The following KMT2E variants were observed in gnomAD, a reference collection of about 807,000 sequenced individuals.
KMT2E encodes histone reader KMT2E.
Under a neutral mutation model 184.6 loss-of-function variants are expected in KMT2E, and 30 were observed. That is an observed-to-expected ratio of 0.16 (90% CI 0.12 to 0.22). The LOEUF is 0.22. KMT2E is among the 10% of genes least tolerant of loss of function. The pLI is 1.00. For missense variants in KMT2E, 2,023 were observed against 2,237.4 expected (o/e 0.90, Z 1.93); for synonymous variants, 815 against 776.5 (o/e 1.05, Z -0.82).
intron 13 of KMT2E, among the ~76,000 whole-genome samples, chr7:105,082,621 G>C (rs1797803350): frequency 6.8e-6 from 1 of 147,808 alleles, no homozygotes; most frequent in African/African-American, 2.7e-5. Flanking sequence ...TGCTGTCTCA[G>C]GGGTGACAGA....
chr7:105,089,419 A>G, intron 13 of KMT2E: 2 of 245,966 alleles, frequency 8.1e-6, no homozygotes, highest in South Asian at 7.2e-5. Flanking sequence ...GGCTGGTCTC[A>G]AGTGATCTGC....
chr7:105,093,458 G>C (rs1798289461), intron 15 of KMT2E, among the ~76,000 whole-genome samples: 1 of 152,140 alleles, frequency 6.6e-6, no homozygotes. Flanking sequence ...GAGACGGGTG[G>C]ATCATCTGAG....
intron 9 of KMT2E, among the ~76,000 whole-genome samples, chr7:105,076,320 TG>T (rs1421502644): frequency 2.0e-5 from 3 of 152,246 alleles, no homozygotes; most frequent in African/African-American, 7.2e-5. Flanking sequence ...TTTATAATTT[TG>T]GGCAATTTGA....
intron 3 of KMT2E, among the ~76,000 whole-genome samples, chr7:105,055,496 T>G (rs1304256656): frequency 6.6e-6 from 1 of 152,222 alleles, no homozygotes; most frequent in Non-Finnish European, 1.5e-5. Flanking sequence ...TAATTCTTTT[T>G]CAGTCTGTTC....
chr7:105,065,045 C>G (rs1484318605), intron 5 of KMT2E, among the ~76,000 whole-genome samples: 1 of 152,102 alleles, frequency 6.6e-6, no homozygotes, highest in Non-Finnish European at 1.5e-5. Context: ...TATTGAAGGA[C>G]CAGTTCACAG....
At chr7:105,079,075 G>C (rs1797648036) in intron 12 of KMT2E, 112 bp downstream of exon 12, 2 of 614,538 alleles carry the variant, frequency 3.3e-6, no homozygotes, top group South Asian at 3.7e-5. Flanking sequence ...ACCTGTTGGT[G>C]CATTTTATAC....
At position 105,077,437 on chromosome 7, in the gene KMT2E, T is replaced by C. The variant is rs756516045; in HGVS notation, c.1130+4T>C. On this transcript the variant is annotated splice_donor_region_variant and intron_variant, in intron 11 of 26. Transcript: ENST00000311117. ...CAAATGGGTATTTCTTTAAAAGGTA[T>C]ATTCATTTATTTTCCCATGTTCATT... The C allele has an allele frequency of 2.5e-6, 4 of 1,594,608 alleles. No individual in the cohort carries two copies. Among genetic ancestry groups the C allele is most frequent in the East Asian group, 2.2e-5 (1 of 44,680 alleles).
chr7:105,101,750 A>G (rs749018383), intron 16 of KMT2E, 136 bp from the exon 17 acceptor site: 3 of 956,566 alleles, frequency 3.1e-6, no homozygotes, highest in South Asian at 2.0e-5. Flanking sequence ...AAGACTATAT[A>G]TTATCTCTGT....
chr7:105,022,650 T>C (rs1424465856), intron 1 of KMT2E, among the ~76,000 whole-genome samples: 1 of 152,314 alleles, frequency 6.6e-6, no homozygotes, highest in African/African-American at 2.4e-5. Context: ...CTCTTCAAGA[T>C]GTAGCGTCTG....
At position 105,112,289 on chromosome 7, in the gene KMT2E, G is replaced by A; in HGVS notation, c.4533G>A (p.Gln1511=). 1 of 1,614,014 alleles carries A rather than the reference G, an allele frequency of 6.2e-7. No homozygotes were observed. Among genetic ancestry groups the A allele is most frequent in the Non-Finnish European group, 8.5e-7 (1 of 1,180,010 alleles). The change falls in exon 27 of 27, where the codon CAG becomes CAA. Residue 1511 remains glutamine, a synonymous_variant. Coordinates refer to ENST00000311117, the MANE Select transcript of KMT2E (RefSeq NM_182931.3). ...PAAQNLPANT[Q]QATSGTLFTQ... ...CACAGAACCTTCCAGCCAATACTCA[G>A]CAGGCAACTTCTGGAACATTATTTA...
chr7:105,029,624 T>C (rs913351640), intron 1 of KMT2E, among the ~76,000 whole-genome samples: 6 of 151,938 alleles, frequency 3.9e-5, no homozygotes, highest in African/African-American at 1.5e-4. Flanking sequence ...CACAAAAGAT[T>C]GGGTGGCTGG....
At chr7:105,103,859 GCT>G (rs1270295161) in intron 17 of KMT2E, 4 of 128,622 alleles carry the variant, frequency 3.1e-5, no homozygotes, top group African/African-American at 1.2e-4. Flanking sequence ...ATGGAGTTTC[GCT>G]CTGTTGCCCA....
At chr7:105,073,192 T>C (rs1797395678) in intron 6 of KMT2E, among the ~76,000 whole-genome samples, 1 of 147,030 alleles carries the variant, frequency 6.8e-6, no homozygotes, top group Non-Finnish European at 1.5e-5. Context: ...GAGGATCACT[T>C]GATCCAGGAG....
chr7:105,032,758 G>A (rs1057253341), intron 1 of KMT2E, among the ~76,000 whole-genome samples: 1 of 152,192 alleles, frequency 6.6e-6, no homozygotes, highest in Non-Finnish European at 1.5e-5. Flanking sequence ...TCCTGCCTTG[G>A]CCTCCCAAAA....
intron 3 of KMT2E, among the ~76,000 whole-genome samples, chr7:105,049,090 A>G (rs1327507832): frequency 6.6e-6 from 1 of 152,188 alleles, no homozygotes; most frequent in Non-Finnish European, 1.5e-5. Flanking sequence ...CCAAGGGAAG[A>G]ATATTAAGAA....
At chr7:105,017,434 GT>G (rs11432195) in intron 1 of KMT2E, among the ~76,000 whole-genome samples, 27 of 116,032 alleles carry the variant, frequency 2.3e-4, no homozygotes, top group Admixed American at 9.6e-4. Context: ...TTTGTTTTTT[GT>G]TTTTTTTTTT....
chr7:105,049,517 G>A (rs1796241478), intron 3 of KMT2E, among the ~76,000 whole-genome samples: 1 of 151,912 alleles, frequency 6.6e-6, no homozygotes. Flanking sequence ...TTATATGCCA[G>A]CTACTGTTTT....
chr7:105,112,918 C>A lies in KMT2E; in HGVS notation c.5162C>A (p.Pro1721Gln). The A allele has an allele frequency of 6.2e-7, 1 of 1,613,742 alleles. No homozygotes were observed. The highest frequency in any genetic ancestry group is 8.5e-7 in the Non-Finnish European group (1 of 1,179,962). Reference sequence around the variant, plus strand: ...TCAGCACCCCCACCACCCCCTCCGCCGCCACCTTCCAGTGTTTTGGCTTCT... The same window carrying A: ...TCAGCACCCCCACCACCCCCTCCGCAGCCACCTTCCAGTGTTTTGGCTTCT... ...VNSAPPPPPP[P>Q]PPSSVLASGH... The change falls in exon 27 of 27, where the codon CCG becomes CAG. Residue 1721 changes from proline to glutamine, a missense_variant. Physicochemically the swap from Pro to Gln is moderately conservative, Grantham distance 76 (BLOSUM62 -1). Transcript: ENST00000311117.
At position 105,106,686 on chromosome 7, in the gene KMT2E, G is replaced by C. The variant is rs781546446; in HGVS notation, c.2761G>C (p.Glu921Gln). Reference sequence around the variant, plus strand: ...GCCTCCACGGATAAAATCAGATGATGAAACTTGTAGAAATGGTTATAAACC... The same window carrying C: ...GCCTCCACGGATAAAATCAGATGATCAAACTTGTAGAAATGGTTATAAACC... ...ATPPRIKSDD[E>Q]TCRNGYKPIY... Residue 921 changes from glutamate (E) to glutamine (Q), a missense_variant, in exon 20 of 27, where the codon GAA becomes CAA. Physicochemically the swap from Glu to Gln is conservative, Grantham distance 29. This residue lies in a region of KMT2E where 514 missense variants were observed against 621.8 expected (regional missense o/e 0.83). Coordinates refer to ENST00000311117, the MANE Select transcript of KMT2E (RefSeq NM_182931.3). 6.2e-7 allele frequency: 1 copy of C among 1,613,882 alleles called. No homozygotes were observed. The highest frequency in any genetic ancestry group is 1.1e-5 in the South Asian group (1 of 91,082).
Sources: gnomAD v4.1 joint callset for allele counts (sites outside exome capture counted in the v4.1 genomes callset) on GRCh38, gnomAD v4.1.1 for gene constraint, gnomAD v4.1.1 regional missense constraint, MANE v1.5 for transcripts, NCBI Gene and HGNC (gene_info 2026-07-23, HGNC 2026-07-21) for gene names.